Variants in GRM5 observed in about 807,000 individuals in gnomAD.
GRM5 encodes the protein glutamate metabotropic receptor 5.
In GRM5, 19 loss-of-function variants were observed where a neutral mutation model predicts 83.1. The observed-to-expected ratio is 0.23, with a 90% confidence interval of 0.16 to 0.34. GRM5 has a LOEUF of 0.34. GRM5 is among the 10% of genes least tolerant of loss of function. GRM5 has a pLI of 1.00. For synonymous variants in GRM5, 675 were observed against 633.6 expected (o/e 1.07, Z -0.98); for missense variants, 1,160 against 1,588.3 (o/e 0.73, Z 4.58).
chr11:88,902,404 G>GTAAA (rs1322684235), intron 2 of GRM5, among the ~76,000 whole-genome samples: 1 of 152,144 alleles, frequency 6.6e-6, no homozygotes, highest in Non-Finnish European at 1.5e-5. Flanking sequence ...AGTGGTCCAT[G>GTAAA]TAAAGCACTT....
intron 8 of GRM5, among the ~76,000 whole-genome samples, chr11:88,557,777 A>G (rs947335612): frequency 6.7e-6 from 1 of 148,962 alleles, no homozygotes; most frequent in African/African-American, 2.5e-5. Flanking sequence ...TAATACTTTA[A>G]GTTCTGGGGT....
chr11:88,974,755 G>A (rs181614810), intron 2 of GRM5, among the ~76,000 whole-genome samples: 1 of 152,152 alleles, frequency 6.6e-6, no homozygotes, highest in South Asian at 2.1e-4. Context: ...AGCATGAATT[G>A]TTACAAAAAT....
intron 2 of GRM5, among the ~76,000 whole-genome samples, chr11:88,877,435 A>C (rs2135568628): frequency 6.6e-6 from 1 of 152,268 alleles, no homozygotes; most frequent in Non-Finnish European, 1.5e-5. Context: ...ATGAAATGGT[A>C]TAGATATTTG....
rs190134292 is a variant in GRM5 at position 89,044,086 on chromosome 11, C to T, written c.661+3126G>A. On this transcript the variant is annotated intron_variant, in intron 2 of 9. Coordinates refer to ENST00000305447, the MANE Select transcript of GRM5 (RefSeq NM_001143831.3). ...GCTAAATGGGCAAGCACCATCAATC[C>T]TGTGTCATCGTGGGCACATGTATCA... Among the ~76,000 whole-genome samples the T allele has an allele frequency of 3.9e-5, 6 of 152,284 alleles. No individual in the cohort carries two copies. The East Asian group carries it at 7.7e-4, about 20-fold the overall frequency.
intron 3 of GRM5, among the ~76,000 whole-genome samples, chr11:88,755,909 C>T (rs1283199350): frequency 6.6e-6 from 1 of 152,128 alleles, no homozygotes; most frequent in Non-Finnish European, 1.5e-5. Context: ...TTTCTAACTA[C>T]AGGTCCAGTG....
chr11:88,934,811 C>A lies in GRM5; in HGVS notation c.662-84656G>T, dbSNP rs1226082449. On this transcript the variant is annotated intron_variant, in intron 2 of 9. Transcript: ENST00000305447. ...ATAATAAAAATGCATAAGTTAGTGGCAGGATTTCAGGCAAATGTTTTTCTT... is the reference window on the plus strand; with the variant it reads ...ATAATAAAAATGCATAAGTTAGTGGAAGGATTTCAGGCAAATGTTTTTCTT... Among the ~76,000 whole-genome samples, 3 of 151,816 alleles carry A rather than the reference C, an allele frequency of 2.0e-5. No individual in the cohort carries two copies. The Admixed American group carries it at 2.0e-4, about 10-fold the overall frequency.
At chr11:88,577,730 A>T (rs1014493021) in intron 7 of GRM5, among the ~76,000 whole-genome samples, 1 of 152,170 alleles carries the variant, frequency 6.6e-6, no homozygotes, top group African/African-American at 2.4e-5. Context: ...AAACACAGAC[A>T]TAGAGAAAAG....
chr11:88,916,349 C>A (rs992079565), intron 2 of GRM5, among the ~76,000 whole-genome samples: 1 of 152,090 alleles, frequency 6.6e-6, no homozygotes, highest in Non-Finnish European at 1.5e-5. Flanking sequence ...AATCTGTATG[C>A]TTGGTAGAAG....
At chr11:88,593,088 G>A (rs1324044840) in intron 6 of GRM5, among the ~76,000 whole-genome samples, 1 of 152,058 alleles carries the variant, frequency 6.6e-6, no homozygotes, top group Non-Finnish European at 1.5e-5. Flanking sequence ...CCAAAATGTT[G>A]AAATTATACT....
At chr11:88,812,715 A>G (rs920200302) in intron 3 of GRM5, among the ~76,000 whole-genome samples, 1 of 152,182 alleles carries the variant, frequency 6.6e-6, no homozygotes, top group Non-Finnish European at 1.5e-5. Context: ...AAAACCTTTC[A>G]TCATAAAAGA....
rs188641596 is a variant in GRM5 at position 88,893,628 on chromosome 11, A to C, written c.662-43473T>G. On this transcript the variant is annotated intron_variant, in intron 2 of 9. Transcript: ENST00000305447. ...ACTTGTATATTAATATTTCAGCAGC[A>C]CCTGGTGGAGGAAAACCAGTATCAC... 1.7e-4 allele frequency among the ~76,000 whole-genome samples: 26 copies of C among 152,218 alleles called. No homozygotes were observed. The East Asian group carries it at 5.0e-3, about 29-fold the overall frequency.
At chr11:88,619,988 A>G (rs547103272) in intron 4 of GRM5, among the ~76,000 whole-genome samples, 2 of 152,112 alleles carry the variant, frequency 1.3e-5, no homozygotes, top group Non-Finnish European at 2.9e-5. Flanking sequence ...CTTTATGCAT[A>G]TGGCAAATGG....
chr11:88,782,371 A>T (rs931584456), intron 3 of GRM5, among the ~76,000 whole-genome samples: 2 of 152,124 alleles, frequency 1.3e-5, no homozygotes, highest in Non-Finnish European at 2.9e-5. Flanking sequence ...TACATGGGTG[A>T]CAGCAGGCGA....
chr11:88,921,628 TA>T (rs34473737), intron 2 of GRM5, among the ~76,000 whole-genome samples: 30 of 148,802 alleles, frequency 2.0e-4, no homozygotes, highest in Middle Eastern at 3.4e-3. Flanking sequence ...AGACTCCATT[TA>T]AAAAAAAAAA....
At chr11:88,814,465 G>A (rs1036019692) in intron 3 of GRM5, among the ~76,000 whole-genome samples, 2 of 152,144 alleles carry the variant, frequency 1.3e-5, no homozygotes, top group African/African-American at 2.4e-5. Context: ...ATACACAGAA[G>A]ACCTGGAATA....
chr11:88,699,797 G>A (rs1304134599), intron 3 of GRM5, among the ~76,000 whole-genome samples: 2 of 152,244 alleles, frequency 1.3e-5, no homozygotes, highest in South Asian at 2.1e-4. Context: ...ATTTAAATAC[G>A]TTATGTCAGC....
At chr11:88,845,062 C>G (rs1603897) in intron 3 of GRM5, among the ~76,000 whole-genome samples, 42,190 of 152,122 alleles carry the variant, frequency 0.28, 6,991 homozygotes, top group Non-Finnish European at 0.38. Flanking sequence ...AGGACTGACT[C>G]CAATTTTAAG....
intron 3 of GRM5, among the ~76,000 whole-genome samples, chr11:88,722,899 C>T (rs1188298178): frequency 6.6e-6 from 1 of 151,862 alleles, no homozygotes; most frequent in Non-Finnish European, 1.5e-5. Flanking sequence ...CTTTAGGGTT[C>T]ACTCTGTGTT....
chr11:88,685,546 G>T (rs1165516661), intron 3 of GRM5, among the ~76,000 whole-genome samples: 2 of 152,196 alleles, frequency 1.3e-5, no homozygotes, highest in East Asian at 1.9e-4. Context: ...AGACAATGGG[G>T]AAAATGTCTC....
Sources: allele counts gnomAD v4.1 joint callset (sites outside exome capture counted in the v4.1 genomes callset), GRCh38; gene constraint gnomAD v4.1.1; transcripts MANE v1.5; gene names NCBI Gene and HGNC (gene_info 2026-07-23, HGNC 2026-07-21).